The following ANKFY1 variants were observed in gnomAD, a reference collection of about 807,000 sequenced individuals.
ANKFY1 encodes the protein ankyrin repeat and FYVE domain-containing protein 1.
A neutral mutation model predicts 128.3 loss-of-function variants in ANKFY1; 47 were observed. The ratio of observed to expected loss-of-function variants is 0.37; its 90% CI spans 0.29 to 0.47. The LOEUF (loss-of-function observed/expected upper bound fraction) is 0.47. Ranked by LOEUF, ANKFY1 falls within the 20% of genes least tolerant of loss-of-function variation. ANKFY1 has a pLI of 1.00. For missense variants in ANKFY1, 1,222 were observed against 1,510.6 expected (o/e 0.81, Z 3.17); for synonymous variants, 553 against 601.6 (o/e 0.92, Z 1.18).
chr17:4,239,771 T>G lies in ANKFY1; in HGVS notation c.203+2485A>C, dbSNP rs545979999. Among the ~76,000 whole-genome samples, 4 of 152,282 alleles carry G rather than the reference T, an allele frequency of 2.6e-5. No homozygotes were observed. In the East Asian group the frequency reaches 7.7e-4, roughly 29 times the overall value. On this transcript the variant is annotated intron_variant, in intron 2 of 24. Transcript: ENST00000341657. ...TCAGTCTGGTCTCAAACTCCTGACC[T>G]CAGGTGATCCACCTGCCTCGGCCTC... is the stretch of plus-strand genomic sequence containing the variant.
intron 1 of ANKFY1, among the ~76,000 whole-genome samples, chr17:4,249,799 G>A (rs571651604): frequency 6.6e-6 from 1 of 152,146 alleles, no homozygotes; most frequent in Admixed American, 6.5e-5. Flanking sequence ...GCTCTTGACT[G>A]CGCAGTCTAT....
chr17:4,211,174 C>A (rs560313252), intron 4 of ANKFY1, among the ~76,000 whole-genome samples: 6 of 152,050 alleles, frequency 3.9e-5, no homozygotes, highest in Non-Finnish European at 8.8e-5. Context: ...GAAGCCAAGG[C>A]GGGCAGATTG....
intron 10 of ANKFY1, among the ~76,000 whole-genome samples, chr17:4,189,894 A>G (rs1567926008): frequency 6.6e-6 from 1 of 150,520 alleles, no homozygotes; most frequent in East Asian, 1.9e-4. Flanking sequence ...CCACACAGGT[A>G]CTCTCTGTGT....
In ANKFY1 at chr17:4,172,629, C is replaced by T. The variant is rs377072239; in HGVS notation, c.3066G>A (p.Ala1022=). 5.0e-6 allele frequency: 8 copies of T among 1,613,986 alleles called. No individual in the cohort carries two copies. Among genetic ancestry groups the T allele is most frequent in the South Asian group, 1.1e-5 (1 of 91,082 alleles). Residue 1022 remains alanine (A), a synonymous_variant, in exon 22 of 25, where the codon GCG becomes GCA. Coordinates refer to ENST00000341657, the MANE Select transcript of ANKFY1 (RefSeq NM_001330063.2). ...ILGQYGKENA[A]AIFDLFLECM... is the part of the protein sequence containing the mutation. ...ATTCTAGGAAGAGATCAAAGATGGC[C>T]GCTGCATTCTCCTTGCCATATTGTC... is the stretch of plus-strand genomic sequence containing the variant.
intron 3 of ANKFY1, among the ~76,000 whole-genome samples, chr17:4,230,460 TAC>T (rs925049728): frequency 2.0e-5 from 3 of 152,218 alleles, no homozygotes; most frequent in African/African-American, 7.2e-5. Flanking sequence ...GGTAAAGTGC[TAC>T]AGAGAGGCCA....
chr17:4,215,364 T>G (rs1326295310), intron 4 of ANKFY1, among the ~76,000 whole-genome samples: 1 of 151,868 alleles, frequency 6.6e-6, no homozygotes, highest in Admixed American at 6.6e-5. Context: ...AAGATTTTCC[T>G]GATGCTTACT....
chr17:4,206,979 C>A (rs181786075), intron 6 of ANKFY1, among the ~76,000 whole-genome samples: 62 of 152,298 alleles, frequency 4.1e-4, no homozygotes, highest in African/African-American at 1.3e-3. Context: ...ATCACCCCCC[C>A]CAAAGACGGA....
intron 4 of ANKFY1, among the ~76,000 whole-genome samples, chr17:4,211,249 C>T (rs1230939720): frequency 2.0e-5 from 3 of 150,538 alleles, no homozygotes; most frequent in Non-Finnish European, 1.5e-5. Context: ...ACTACAAATA[C>T]AAAAACAAAT....
At chr17:4,183,649 A>C in intron 13 of ANKFY1, 98 bp from the exon 14 acceptor site, 1 of 1,503,544 alleles carries the variant, frequency 6.7e-7, no homozygotes, top group Non-Finnish European at 9.1e-7. Flanking sequence ...CAAAGCCAGC[A>C]GTTTTCCACT....
At chr17:4,263,372 T>C (rs1968525074) in intron 1 of ANKFY1, among the ~76,000 whole-genome samples, 2 of 152,184 alleles carry the variant, frequency 1.3e-5, no homozygotes, top group Admixed American at 6.5e-5. Flanking sequence ...CCCGTCTTCA[T>C]CTGTACGCCT....
intron 1 of ANKFY1, among the ~76,000 whole-genome samples, chr17:4,243,365 C>A (rs1339418534): frequency 6.6e-6 from 1 of 150,862 alleles, no homozygotes; most frequent in Non-Finnish European, 1.5e-5. Context: ...CGCGCCCAGC[C>A]TCTTTTTTTT....
intron 3 of ANKFY1, among the ~76,000 whole-genome samples, chr17:4,232,976 G>A (rs1254428621): frequency 6.6e-6 from 1 of 151,376 alleles, no homozygotes; most frequent in African/African-American, 2.4e-5. Flanking sequence ...AGTGACCTAC[G>A]ACAGTATCCC....
intron 18 of ANKFY1, among the ~76,000 whole-genome samples, chr17:4,177,521 C>A (rs559261795): frequency 2.0e-5 from 3 of 152,152 alleles, no homozygotes; most frequent in Non-Finnish European, 4.4e-5. Flanking sequence ...CGTGGCCACA[C>A]CCACGTGGTC....
At chr17:4,197,083 C>T (rs572650540) in intron 8 of ANKFY1, among the ~76,000 whole-genome samples, 39 of 152,136 alleles carry the variant, frequency 2.6e-4, no homozygotes, top group Non-Finnish European at 4.9e-4. Flanking sequence ...CATACCACTG[C>T]GCTCCAGCCT....
At chr17:4,262,624 CT>C (rs1465029333) in intron 1 of ANKFY1, among the ~76,000 whole-genome samples, 1 of 152,024 alleles carries the variant, frequency 6.6e-6, no homozygotes, top group African/African-American at 2.4e-5. Context: ...GCGAGCGCCC[CT>C]GGTCCCAGCT....
intron 1 of ANKFY1, among the ~76,000 whole-genome samples, chr17:4,253,832 T>C (rs1468653029): frequency 1.3e-5 from 2 of 152,176 alleles, no homozygotes; most frequent in Non-Finnish European, 2.9e-5. Context: ...TCTGACTTAA[T>C]AAACTACACG....
At chr17:4,189,155 CT>C (rs2059665683) in intron 11 of ANKFY1, among the ~76,000 whole-genome samples, 1 of 152,210 alleles carries the variant, frequency 6.6e-6, no homozygotes. Context: ...TGAACAAGCA[CT>C]GTTTCCTACA....
At chr17:4,238,778 T>C (rs1276435067) in intron 2 of ANKFY1, among the ~76,000 whole-genome samples, 4 of 150,746 alleles carry the variant, frequency 2.7e-5, no homozygotes, top group Non-Finnish European at 4.4e-5. Flanking sequence ...GTTTTTTTTT[T>C]AGACAGGGTC....
intron 13 of ANKFY1, 80 bp from the exon 14 acceptor site, chr17:4,183,631 C>T: frequency 6.4e-7 from 1 of 1,562,984 alleles, no homozygotes; most frequent in Non-Finnish European, 8.7e-7. Context: ...CAGACCCTCT[C>T]AGCTTCTCAA....
Sources: allele counts gnomAD v4.1 joint callset (sites outside exome capture counted in the v4.1 genomes callset), GRCh38; gene constraint gnomAD v4.1.1; transcripts MANE v1.5; gene names NCBI Gene and HGNC (gene_info 2026-07-23, HGNC 2026-07-21).